The following WDFY1 variants were observed in gnomAD, a reference collection of about 807,000 sequenced individuals.
WDFY1 encodes WD repeat and FYVE domain-containing protein 1.
A neutral mutation model predicts 56.4 loss-of-function variants in WDFY1; 32 were observed. The observed-to-expected ratio is 0.57, with a 90% confidence interval of 0.43 to 0.76. The LOEUF (loss-of-function observed/expected upper bound fraction) is 0.76. Ranked by LOEUF, WDFY1 falls within the 30% of genes least tolerant of loss-of-function variation. WDFY1 has a pLI of 0.00. For missense variants in WDFY1, 480 were observed against 545.7 expected, an observed-to-expected ratio of 0.88 and a Z score of 1.20; for synonymous variants, 192 against 197.3, an observed-to-expected ratio of 0.97 and a Z score of 0.23.
rs1693007432 is a variant in WDFY1 at position 223,878,430 on chromosome 2, G to C, written c.*241C>G. On this transcript the variant is annotated 3_prime_UTR_variant, in exon 12 of 12. Transcript: ENST00000233055. ...CTACACATTAGCTGTTCATGGGGAA[G>C]TTTTGCTGAAGTAATTCCAGTCTTC... 4.8e-6 allele frequency: 2 copies of C among 415,834 alleles called. No homozygotes were observed. Among genetic ancestry groups the C allele is most frequent in the South Asian group, 8.6e-5 (2 of 23,274 alleles). 25.8% of individuals were successfully genotyped at this position (415,834 alleles called of 1,614,324 possible).
intron 2 of WDFY1, among the ~76,000 whole-genome samples, chr2:223,915,357 C>T (rs1309015813): frequency 6.6e-6 from 1 of 152,152 alleles, no homozygotes. Flanking sequence ...AGGCTGAAGA[C>T]AGAGAGATCC....
chr2:223,906,954 C>CTATTATTATTAT (rs1559168671), intron 3 of WDFY1, among the ~76,000 whole-genome samples: 24 of 148,628 alleles, frequency 1.6e-4, no homozygotes, highest in African/African-American at 4.8e-4. Flanking sequence ...ATTACTACTA[C>CTATTATTATTAT]CATTATTATT....
intron 3 of WDFY1, among the ~76,000 whole-genome samples, chr2:223,911,170 T>TTA (rs1430271721): frequency 2.0e-5 from 3 of 152,168 alleles, no homozygotes; most frequent in African/African-American, 7.2e-5. Context: ...ATGAGTCTAT[T>TTA]TATATAAAGT....
At chr2:223,910,647 G>T (rs1235390113) in intron 3 of WDFY1, among the ~76,000 whole-genome samples, 2 of 152,014 alleles carry the variant, frequency 1.3e-5, no homozygotes, top group Non-Finnish European at 2.9e-5. Context: ...TACCTAAGAA[G>T]ATCCTCAACA....
chr2:223,932,923 T>A (rs924161311), intron 1 of WDFY1, among the ~76,000 whole-genome samples: 9 of 150,846 alleles, frequency 6.0e-5, no homozygotes, highest in Admixed American at 1.3e-4. Flanking sequence ...CATTAAGACG[T>A]TTGCCTGAAA....
intron 3 of WDFY1, among the ~76,000 whole-genome samples, chr2:223,910,817 G>C (rs1421413101): frequency 6.6e-6 from 1 of 152,142 alleles, no homozygotes. Flanking sequence ...TTGCTGGTGA[G>C]AATGTAAATG....
At chr2:223,928,479 G>C (rs1306426010) in intron 1 of WDFY1, among the ~76,000 whole-genome samples, 1 of 152,100 alleles carries the variant, frequency 6.6e-6, no homozygotes, top group African/African-American at 2.4e-5. Flanking sequence ...GCTGAGTTCT[G>C]GCAGAACAGC....
chr2:223,910,633 C>G (rs1395249350), intron 3 of WDFY1, among the ~76,000 whole-genome samples: 1 of 151,982 alleles, frequency 6.6e-6, no homozygotes, highest in Non-Finnish European at 1.5e-5. Context: ...AAATGACCAA[C>G]AAGTACCTAA....
intron 1 of WDFY1, among the ~76,000 whole-genome samples, chr2:223,923,488 A>T (rs1306719479): frequency 6.6e-6 from 1 of 152,162 alleles, no homozygotes; most frequent in African/African-American, 2.4e-5. Context: ...AAAGTCTAGG[A>T]TAATATTAAT....
chr2:223,908,750 C>T (rs1693642951), intron 3 of WDFY1, among the ~76,000 whole-genome samples: 3 of 152,174 alleles, frequency 2.0e-5, no homozygotes, highest in Non-Finnish European at 4.4e-5. Context: ...AGCACACACA[C>T]CCAAGGTCGG....
At chr2:223,903,223 A>G (rs1693533844) in intron 4 of WDFY1, among the ~76,000 whole-genome samples, 2 of 152,180 alleles carry the variant, frequency 1.3e-5, no homozygotes, top group Non-Finnish European at 2.9e-5. Context: ...TATAGCCCAT[A>G]AAGAACTCTG....
At chr2:223,919,833 GCA>G (rs1693860090) in intron 1 of WDFY1, among the ~76,000 whole-genome samples, 1 of 152,162 alleles carries the variant, frequency 6.6e-6, no homozygotes, top group African/African-American at 2.4e-5. Context: ...GGATGCATAG[GCA>G]GCGTGTCCTG....
chr2:223,915,200 A>C (rs1442513724), intron 2 of WDFY1, among the ~76,000 whole-genome samples: 2 of 152,262 alleles, frequency 1.3e-5, no homozygotes, highest in Middle Eastern at 3.2e-3. Flanking sequence ...AGCAATAAAG[A>C]AGCATCTAGA....
intron 2 of WDFY1, among the ~76,000 whole-genome samples, chr2:223,913,042 C>A (rs1379244734): frequency 6.6e-6 from 1 of 151,588 alleles, no homozygotes. Context: ...TAGGGAAAAA[C>A]AAAACAAAAC....
At chr2:223,905,675 T>C (rs1693587226) in intron 4 of WDFY1, among the ~76,000 whole-genome samples, 1 of 151,886 alleles carries the variant, frequency 6.6e-6, no homozygotes. Context: ...AAGAGTAGTG[T>C]GTGTTATCAA....
chr2:223,887,238 GC>G (rs1179465473), intron 8 of WDFY1, among the ~76,000 whole-genome samples: 1 of 152,224 alleles, frequency 6.6e-6, no homozygotes, highest in Admixed American at 6.5e-5. Flanking sequence ...GACACAGCAG[GC>G]TGTGCTGCCA....
intron 1 of WDFY1, among the ~76,000 whole-genome samples, chr2:223,934,809 T>C (rs1167013479): frequency 6.6e-6 from 1 of 152,200 alleles, no homozygotes; most frequent in Non-Finnish European, 1.5e-5. Context: ...GCATGAGCCA[T>C]TGCGCCCAGC....
intron 1 of WDFY1, among the ~76,000 whole-genome samples, chr2:223,933,542 C>G (rs2106102067): frequency 6.6e-6 from 1 of 152,160 alleles, no homozygotes; most frequent in South Asian, 2.1e-4. Context: ...AAAGTCTGGC[C>G]AGGCACAGTG....
Position 223,877,702 on chromosome 2 carries a change from A to G in WDFY1, c.*969T>C, listed in dbSNP as rs1437260462. On this transcript the variant is annotated 3_prime_UTR_variant, in exon 12 of 12. Coordinates refer to ENST00000233055, the MANE Select transcript of WDFY1 (RefSeq NM_020830.5). ...ATAACTCAAAGTCAAAATAGTGTAA[A>G]AGCTGTGGAGTGCTTTTGTAGGGGG... The G allele has an allele frequency of 6.6e-6, 1 of 152,568 alleles. No individual in the cohort carries two copies. Among genetic ancestry groups the G allele is most frequent in the African/African-American group, 2.4e-5 (1 of 41,460 alleles). The allele number at this position is 152,568 out of a possible 1,614,324, so 9.5% of individuals were successfully genotyped here.
Sources: allele counts gnomAD v4.1 joint callset (sites outside exome capture counted in the v4.1 genomes callset), GRCh38; gene constraint gnomAD v4.1.1; transcripts MANE v1.5; gene names NCBI Gene and HGNC (gene_info 2026-07-23, HGNC 2026-07-21).